The following COL25A1 variants were observed in gnomAD, a reference collection of about 807,000 sequenced individuals.
The protein encoded by COL25A1 is collagen alpha-1(XXV) chain.
COL25A1 carries 103 observed loss-of-function variants against 128.4 expected under a neutral mutation model. The observed-to-expected ratio is 0.80, with a 90% CI of 0.68 to 0.94. COL25A1 has a LOEUF of 0.94. Among genes scored for constraint, COL25A1 ranks in the 40% least tolerant of loss-of-function variants. The pLI, the probability that COL25A1 is intolerant of heterozygous loss-of-function variation, is 0.00. For synonymous variants in COL25A1, 279 were observed against 277.2 expected, an observed-to-expected ratio of 1.01 and a Z score of -0.06; for missense variants, 745 against 840.0, an observed-to-expected ratio of 0.89 and a Z score of 1.40.
chr4:109,050,241 C>T, intron 3 of COL25A1, 62 bp from the exon 4 acceptor site: 1 of 1,239,196 alleles, frequency 8.1e-7, no homozygotes, highest in Non-Finnish European at 1.2e-6. Context: ...TCCAAAATAG[C>T]TAGTAAATAA....
intron 6 of COL25A1, among the ~76,000 whole-genome samples, chr4:108,976,067 A>G (rs1476586388): frequency 6.6e-6 from 1 of 152,148 alleles, no homozygotes; most frequent in Non-Finnish European, 1.5e-5. Context: ...ATAAAACTCA[A>G]TTTAACATTT....
chr4:108,858,661 T>C (rs1453000237), intron 24 of COL25A1, among the ~76,000 whole-genome samples: 1 of 152,064 alleles, frequency 6.6e-6, no homozygotes, highest in Non-Finnish European at 1.5e-5. Context: ...ATACACAGAT[T>C]ATATCTAGAG....
At chr4:109,215,686 A>G (rs547631701) in intron 3 of COL25A1, among the ~76,000 whole-genome samples, 22 of 152,246 alleles carry the variant, frequency 1.4e-4, no homozygotes, top group African/African-American at 5.3e-4. Flanking sequence ...AATGCCTTCC[A>G]CATTGTATCA....
At chr4:108,843,707 C>T (rs901294466) in intron 30 of COL25A1, among the ~76,000 whole-genome samples, 5 of 152,042 alleles carry the variant, frequency 3.3e-5, no homozygotes, top group Non-Finnish European at 7.4e-5. Context: ...AGGAAGTAAG[C>T]TGCAATTTTT....
intron 3 of COL25A1, among the ~76,000 whole-genome samples, chr4:109,141,848 G>A (rs184970541): frequency 2.2e-4 from 33 of 151,912 alleles, no homozygotes; most frequent in Non-Finnish European, 3.7e-4. Flanking sequence ...CTGGCTAGTG[G>A]TCTATCTGTT....
At chr4:109,021,000 G>A (rs1488572340) in intron 5 of COL25A1, among the ~76,000 whole-genome samples, 1 of 152,164 alleles carries the variant, frequency 6.6e-6, no homozygotes, top group Non-Finnish European at 1.5e-5. Context: ...TCTTTTCCCA[G>A]GTTAGGGATA....
chr4:108,957,597 T>A (rs1393662179), intron 8 of COL25A1, among the ~76,000 whole-genome samples: 1 of 152,208 alleles, frequency 6.6e-6, no homozygotes, highest in Non-Finnish European at 1.5e-5. Context: ...AATGAATGAT[T>A]GAATTATTTT....
At chr4:109,122,564 T>A (rs749813573) in intron 3 of COL25A1, among the ~76,000 whole-genome samples, 1 of 152,040 alleles carries the variant, frequency 6.6e-6, no homozygotes, top group Non-Finnish European at 1.5e-5. Context: ...GAAAGTGCTA[T>A]AGGAATTAGG....
chr4:109,043,660 G>A (rs1579184329), intron 5 of COL25A1, among the ~76,000 whole-genome samples: 1 of 152,158 alleles, frequency 6.6e-6, no homozygotes, highest in African/African-American at 2.4e-5. Flanking sequence ...GTGAATATTA[G>A]AATAACACTT....
chr4:109,071,652 C>T (rs1221663005), intron 3 of COL25A1, among the ~76,000 whole-genome samples: 2 of 152,176 alleles, frequency 1.3e-5, no homozygotes, highest in Non-Finnish European at 2.9e-5. Context: ...TGAACAGACA[C>T]TTCTCAAAAG....
intron 19 of COL25A1, among the ~76,000 whole-genome samples, chr4:108,876,253 A>G (rs1475855925): frequency 6.6e-6 from 1 of 151,948 alleles, no homozygotes; most frequent in Non-Finnish European, 1.5e-5. Context: ...AGAGAATAGT[A>G]AAAAGAAGGA....
intron 5 of COL25A1, among the ~76,000 whole-genome samples, chr4:109,020,839 T>C (rs1257606489): frequency 1.3e-5 from 2 of 152,220 alleles, no homozygotes; most frequent in Non-Finnish European, 2.9e-5. Context: ...ATACCTAATA[T>C]TCCACTGAGG....
chr4:108,819,124 A>G (rs1354129309), intron 36 of COL25A1, 128 bp downstream of exon 36: 11 of 585,428 alleles, frequency 1.9e-5, no homozygotes, highest in African/African-American at 1.1e-4. Flanking sequence ...GAGCCTGTTC[A>G]TGCACATGCA....
At chr4:109,098,421 G>A (rs1205618886) in intron 3 of COL25A1, among the ~76,000 whole-genome samples, 2 of 152,194 alleles carry the variant, frequency 1.3e-5, no homozygotes, top group Admixed American at 1.3e-4. Context: ...TTTAATCAAG[G>A]AGACCCATAA....
chr4:108,829,010 T>C (rs1732732685), intron 32 of COL25A1, among the ~76,000 whole-genome samples: 1 of 152,162 alleles, frequency 6.6e-6, no homozygotes, highest in African/African-American at 2.4e-5. Context: ...TGAAAATAAA[T>C]ACGATAAAAG....
chr4:108,858,409 G>A (rs1736768330), intron 24 of COL25A1, among the ~76,000 whole-genome samples: 1 of 152,062 alleles, frequency 6.6e-6, no homozygotes. Flanking sequence ...GAGATACTTT[G>A]AAAAAGGAAA....
At chr4:108,836,023 C>A (rs984018841) in intron 31 of COL25A1, among the ~76,000 whole-genome samples, 1 of 151,632 alleles carries the variant, frequency 6.6e-6, no homozygotes, top group South Asian at 2.1e-4. Context: ...AGGCACCCAC[C>A]ACCAAGCCTG....
chr4:109,165,524 TG>T (rs1389306889), intron 3 of COL25A1, among the ~76,000 whole-genome samples: 1 of 152,168 alleles, frequency 6.6e-6, no homozygotes, highest in Non-Finnish European at 1.5e-5. Context: ...GAGACCAGCC[TG>T]GGCAACATAC....
chr4:109,292,400 G>A (rs1724559189), intron 3 of COL25A1, among the ~76,000 whole-genome samples: 1 of 152,044 alleles, frequency 6.6e-6, no homozygotes, highest in Admixed American at 6.6e-5. Flanking sequence ...GCATGGGGAT[G>A]AGAATAGTAA....
Sources: gnomAD v4.1 joint callset for allele counts (sites outside exome capture counted in the v4.1 genomes callset) on GRCh38, gnomAD v4.1.1 for gene constraint, MANE v1.5 for transcripts, NCBI Gene and HGNC (gene_info 2026-07-23, HGNC 2026-07-21) for gene names.